BARD1: variants seen among roughly 807,000 people sequenced by gnomAD.
BARD1 encodes the protein BRCA1 associated RING domain 1.
Under a neutral mutation model 77.0 loss-of-function variants are expected in BARD1, and 73 were observed. The observed-to-expected ratio is 0.95, with a 90% CI of 0.79 to 1.15. The LOEUF (loss-of-function observed/expected upper bound fraction) is 1.15, where lower values mean the gene tolerates loss of function less well. Ranked by LOEUF, BARD1 falls within the 50% of genes most tolerant of loss-of-function variation. The probability of loss-of-function intolerance (pLI) is 0.00; values close to 1 mark genes in which losing one functional copy is unlikely to be tolerated. For missense variants in BARD1, 993 were observed against 938.8 expected, an observed-to-expected ratio of 1.06 and a Z score of -0.75; for synonymous variants, 384 against 338.0, an observed-to-expected ratio of 1.14 and a Z score of -1.49.
chr2:214,741,346 T>G (rs868264242), intron 9 of BARD1, among the ~76,000 whole-genome samples: 1 of 152,126 alleles, frequency 6.6e-6, no homozygotes, highest in Non-Finnish European at 1.5e-5. Context: ...AGATGTAGAA[T>G]TAAATTTATT....
intron 2 of BARD1, among the ~76,000 whole-genome samples, chr2:214,792,924 A>G (rs565079386): frequency 5.8e-4 from 88 of 152,308 alleles, no homozygotes; most frequent in African/African-American, 2.1e-3. Flanking sequence ...TAAAACCTGT[A>G]GACTCAATTA....
chr2:214,728,619 G>T lies in BARD1; in HGVS notation c.*57C>A. On this transcript the variant is annotated 3_prime_UTR_variant, in exon 11 of 11. Transcript: ENST00000260947. ...ATGTGAACATTAAAAACAGTACAAT[G>T]ACTGGGCTCTCACAAACCGTGCAAA... The T allele has an allele frequency of 1.3e-6, 2 of 1,525,060 alleles. No individual in the cohort carries two copies. Among genetic ancestry groups the T allele is most frequent in the South Asian group, 1.1e-5 (1 of 88,026 alleles). 94.5% of individuals were successfully genotyped at this position (1,525,060 alleles called of 1,614,324 possible).
intron 1 of BARD1, among the ~76,000 whole-genome samples, chr2:214,805,341 A>ATC (rs1490818211): frequency 6.6e-6 from 1 of 152,192 alleles, no homozygotes; most frequent in East Asian, 1.9e-4. Flanking sequence ...TAGAAAATGC[A>ATC]TCACCTTATC....
In BARD1 at chr2:214,728,540, T is replaced by TTTC; in HGVS notation, c.*135_*136insGAA. On this transcript the variant is annotated 3_prime_UTR_variant, in exon 11 of 11. Coordinates refer to ENST00000260947, the MANE Select transcript of BARD1 (RefSeq NM_000465.4). ...GAATTCCTAATCTGGCATTAGACTT[T>TTTC]TTTTTTTTTTTTGATTCAAAGACAA... is the stretch of plus-strand genomic sequence containing the variant. The TTTC allele has an allele frequency of 1.3e-6, 1 of 796,714 alleles. No individual in the cohort carries two copies. The highest frequency in any genetic ancestry group is 2.8e-5 in the East Asian group (1 of 35,228). 49.4% of individuals were successfully genotyped at this position (796,714 alleles called of 1,614,324 possible).
intron 1 of BARD1, among the ~76,000 whole-genome samples, chr2:214,803,264 G>A (rs7606335): frequency 0.26 from 39,733 of 151,036 alleles, 5,578 homozygotes; most frequent in African/African-American, 0.36. Context: ...TGGCCTTGTG[G>A]GAAGGGAAAG....
intron 3 of BARD1, among the ~76,000 whole-genome samples, chr2:214,784,440 T>C (rs1426634468): frequency 6.6e-6 from 1 of 152,110 alleles, no homozygotes; most frequent in East Asian, 1.9e-4. Context: ...GGGTGTAAAT[T>C]AGTTCAACCA....
chr2:214,800,204 T>C (rs558896291), intron 1 of BARD1, among the ~76,000 whole-genome samples: 3 of 152,348 alleles, frequency 2.0e-5, no homozygotes, highest in African/African-American at 4.8e-5. Flanking sequence ...TTAGTAATGA[T>C]TTAACATGTG....
chr2:214,744,353 A>C lies in BARD1; in HGVS notation c.1903+714T>G, dbSNP rs565570773. Reference sequence around the variant, plus strand: ...TAAAAATACTGGATTAAATTAACTAAGACCAAAAGGGTGTTATGCAGGTAA... The same window carrying C: ...TAAAAATACTGGATTAAATTAACTACGACCAAAAGGGTGTTATGCAGGTAA... On this transcript the variant is annotated intron_variant, in intron 9 of 10. Coordinates refer to ENST00000260947, the MANE Select transcript of BARD1 (RefSeq NM_000465.4). Among the ~76,000 whole-genome samples, 9 of 152,358 alleles carry C rather than the reference A, an allele frequency of 5.9e-5. No individual in the cohort carries two copies. The East Asian group carries it at 9.6e-4, about 16-fold the overall frequency.
chr2:214,730,278 G>C, intron 10 of BARD1, 133 bp downstream of exon 10: 1 of 747,182 alleles, frequency 1.3e-6, no homozygotes, highest in Admixed American at 2.2e-5. Context: ...TCAGAATCAA[G>C]TGCTTGAAAT....
intron 6 of BARD1, among the ~76,000 whole-genome samples, chr2:214,759,974 C>T (rs980234955): frequency 2.0e-5 from 3 of 152,180 alleles, no homozygotes; most frequent in African/African-American, 7.2e-5. Context: ...ATTCACTTGG[C>T]TTTGCAGCAG....
intron 6 of BARD1, among the ~76,000 whole-genome samples, chr2:214,764,975 C>T (rs1162311572): frequency 6.6e-6 from 1 of 152,188 alleles, no homozygotes. Context: ...ATCCTTTATC[C>T]AATATCAATC....
At chr2:214,776,094 T>C (rs905283291) in intron 4 of BARD1, among the ~76,000 whole-genome samples, 1 of 152,312 alleles carries the variant, frequency 6.6e-6, no homozygotes, top group Admixed American at 6.5e-5. Flanking sequence ...ACATTATCTA[T>C]TATGTCTACA....
At chr2:214,787,375 G>T (rs1360419522) in intron 3 of BARD1, among the ~76,000 whole-genome samples, 1 of 151,818 alleles carries the variant, frequency 6.6e-6, no homozygotes, top group Non-Finnish European at 1.5e-5. Flanking sequence ...TTACTCAAAA[G>T]ATTTTAATTA....
At chr2:214,742,340 C>T (rs1692876507) in intron 9 of BARD1, among the ~76,000 whole-genome samples, 1 of 152,050 alleles carries the variant, frequency 6.6e-6, no homozygotes, top group Non-Finnish European at 1.5e-5. Flanking sequence ...AAAAAACAAA[C>T]AAAGAATCAA....
At chr2:214,746,340 G>GT (rs1195356405) in intron 7 of BARD1, among the ~76,000 whole-genome samples, 1 of 152,108 alleles carries the variant, frequency 6.6e-6, no homozygotes, top group African/African-American at 2.4e-5. Context: ...CATCAAAATA[G>GT]TAACCCCTCA....
At chr2:214,733,491 G>A (rs1294318576) in intron 9 of BARD1, among the ~76,000 whole-genome samples, 3 of 152,110 alleles carry the variant, frequency 2.0e-5, no homozygotes, top group Admixed American at 2.0e-4. Context: ...CACTCAAATA[G>A]TTTAGTATTT....
At chr2:214,760,477 G>A (rs1693903897) in intron 6 of BARD1, among the ~76,000 whole-genome samples, 1 of 152,170 alleles carries the variant, frequency 6.6e-6, no homozygotes, top group South Asian at 2.1e-4. Context: ...ACAGGCATGA[G>A]GCACTGCGCC....
At chr2:214,782,093 G>A (rs1452800118) in intron 3 of BARD1, among the ~76,000 whole-genome samples, 1 of 152,094 alleles carries the variant, frequency 6.6e-6, no homozygotes, top group African/African-American at 2.4e-5. Flanking sequence ...CATACTATAT[G>A]ACTTCAAAAC....
In BARD1 at chr2:214,751,134, TATATATATATATATA is replaced by T. The variant is rs1559393001; in HGVS notation, c.1677+1298_1677+1312del. Among the ~76,000 whole-genome samples the T allele has an allele frequency of 1.9e-4, 8 of 42,946 alleles. 2 individuals are homozygous for T. The highest frequency in any genetic ancestry group is 8.3e-4 in the South Asian group (1 of 1,206). 28.2% of individuals were successfully genotyped at this position (42,946 alleles called of 152,430 possible). Reference sequence around the variant, plus strand: ...GTGTGTGTGTATATATATATATATATATATATATATATATATATTTTTTTTTTTTTTTTTTTTTTT... The same window carrying T: ...GTGTGTGTGTATATATATATATATATTATTTTTTTTTTTTTTTTTTTTTTT... On this transcript the variant is annotated intron_variant, in intron 7 of 10. Coordinates refer to ENST00000260947, the MANE Select transcript of BARD1 (RefSeq NM_000465.4).
Sources: gnomAD v4.1 joint callset for allele counts (sites outside exome capture counted in the v4.1 genomes callset) on GRCh38, gnomAD v4.1.1 for gene constraint, MANE v1.5 for transcripts, NCBI Gene and HGNC (gene_info 2026-07-23, HGNC 2026-07-21) for gene names.